Variants in FNBP1 observed in about 807,000 individuals in gnomAD.
FNBP1 encodes formin-binding protein 1.
FNBP1 carries 26 observed loss-of-function variants against 90.6 expected under a neutral mutation model. The ratio of observed to expected loss-of-function variants is 0.29; its 90% CI spans 0.21 to 0.40. FNBP1 has a LOEUF of 0.40. FNBP1 is among the 10% of genes least tolerant of loss of function. The pLI is 1.00. For synonymous variants in FNBP1, 260 were observed against 265.2 expected, an observed-to-expected ratio of 0.98 and a Z score of 0.19; for missense variants, 635 against 768.0, an observed-to-expected ratio of 0.83 and a Z score of 2.05.
At chr9:129,906,798 T>A (rs898615255) in intron 12 of FNBP1, among the ~76,000 whole-genome samples, 38 of 152,310 alleles carry the variant, frequency 2.5e-4, no homozygotes, top group African/African-American at 9.1e-4. Context: ...TTTTTTTTTT[T>A]GAGACAGAGT....
chr9:129,895,843 G>C lies in FNBP1; in HGVS notation c.1841C>G (p.Ala614Gly). 1.2e-6 allele frequency: 2 copies of C among 1,602,514 alleles called. No individual in the cohort carries two copies. Among genetic ancestry groups the C allele is most frequent in the Non-Finnish European group, 1.7e-6 (2 of 1,175,686 alleles). ...TTAAATATAAGTCTTAGCACCTTTG[G>C]CATTTTTGTCCAAACAGACTTCGAC... Reference protein sequence around the residue: ...SYVEVCLDKNAKDS With the variant: ...SYVEVCLDKNGKDS Residue 614 changes from alanine (A) to glycine (G), a missense_variant, in exon 16 of 17, where the codon GCC (alanine) becomes GGC (glycine). By Grantham distance (60) the Ala-to-Gly change is moderately conservative. Transcript: ENST00000446176.
chr9:129,918,485 C>G (rs534571885), intron 10 of FNBP1, among the ~76,000 whole-genome samples: 1 of 152,328 alleles, frequency 6.6e-6, no homozygotes, highest in Admixed American at 6.5e-5. Context: ...GCGTCAATAA[C>G]ACATGGGGAA....
chr9:130,048,787 C>CTT, the FNBP1 span, among the ~76,000 whole-genome samples: 3 of 143,750 alleles, frequency 2.1e-5, no homozygotes, highest in African/African-American at 7.8e-5. Context: ...CCAGTTTCCT[C>CTT]TTTTTTTTTT....
intron 15 of FNBP1, 126 bp from the exon 16 acceptor site, chr9:129,896,122 CCTT>C (rs2035698822): frequency 9.6e-6 from 9 of 937,832 alleles, no homozygotes; most frequent in Non-Finnish European, 1.4e-5. Flanking sequence ...CCCACTCGGA[CCTT>C]CTCAGATGCA....
intron 6 of FNBP1, among the ~76,000 whole-genome samples, chr9:129,946,504 T>C (rs1367596882): frequency 6.6e-6 from 1 of 152,198 alleles, no homozygotes; most frequent in Non-Finnish European, 1.5e-5. Flanking sequence ...TATAGAGAGC[T>C]CTTCTGGCCA....
intron 11 of FNBP1, among the ~76,000 whole-genome samples, chr9:129,909,925 C>G (rs2131558335): frequency 6.6e-6 from 1 of 152,312 alleles, no homozygotes; most frequent in Non-Finnish European, 1.5e-5. Flanking sequence ...TCTCAGAGTT[C>G]AGAGAGAATG....
intron 12 of FNBP1, among the ~76,000 whole-genome samples, chr9:129,907,580 G>GGGGTGTGTGTGTGTGTGT (rs942734835): frequency 1.6e-4 from 24 of 147,108 alleles, no homozygotes; most frequent in African/African-American, 5.3e-4. Flanking sequence ...TAGGAGTGAG[G>GGGGTGTGTGTGTGTGTGT]GTGTGTGTGT....
rs2042058203 is a variant in FNBP1 at position 129,927,311 on chromosome 9, C to A, written c.673G>T (p.Val225Leu). The change falls in exon 8 of 17, where the codon GTG becomes TTG. Residue 225 changes from valine to leucine, a missense_variant. By Grantham distance (32) the Val-to-Leu change is conservative. Transcript: ENST00000446176. ...GTCTTCATGGACTCTCCCATTCTCA[C>A]AATCCTCCTTTCCTCCATCTCTTGT... ...KIQEMEERRIVRMGESMKTYA... is the reference protein window; with the variant it reads ...KIQEMEERRILRMGESMKTYA... The A allele has an allele frequency of 6.2e-7, 1 of 1,612,792 alleles. No homozygotes were observed. The highest frequency in any genetic ancestry group is 8.5e-7 in the Non-Finnish European group (1 of 1,179,272).
rs578112983 is a variant in FNBP1 at position 129,923,906 on chromosome 9, G to A, written c.1108C>T (p.Arg370Cys). The A allele has an allele frequency of 1.7e-5, 28 of 1,603,138 alleles. No individual in the cohort carries two copies. The highest frequency in any genetic ancestry group is 5.4e-5 in the African/African-American group (4 of 74,152). The change falls in exon 10 of 17, where the codon CGC (arginine) becomes TGC (cysteine). Residue 370 changes from arginine to cysteine, a missense_variant. Arg to Cys is a radical substitution (Grantham distance 180). Coordinates refer to ENST00000446176, the MANE Select transcript of FNBP1 (RefSeq NM_015033.3). ...TTGGAGGTCATGAACTCGTTGAAGC[G>A]ATGGGAGAGGGGTTCCTTTTGCTGC... ...PKQQKEPLSH[R>C]FNEFMTSKPK...
At chr9:129,942,026 G>A (rs1168161047) in intron 6 of FNBP1, among the ~76,000 whole-genome samples, 3 of 150,898 alleles carry the variant, frequency 2.0e-5, no homozygotes, top group East Asian at 1.9e-4. Flanking sequence ...AGCTAAGATC[G>A]CACCACTGCA....
intron 2 of FNBP1, among the ~76,000 whole-genome samples, chr9:129,981,277 C>T (rs1340368038): frequency 2.6e-5 from 4 of 151,602 alleles, no homozygotes; most frequent in South Asian, 2.1e-4. Context: ...TTAGTAGAGA[C>T]GGGGTTTCAC....
intron 4 of FNBP1, among the ~76,000 whole-genome samples, chr9:129,967,982 C>CA (rs1177795983): frequency 7.1e-6 from 1 of 140,238 alleles, no homozygotes; most frequent in Non-Finnish European, 1.6e-5. Context: ...AGCTGGAAAA[C>CA]TTTTTTTTTT....
chr9:129,951,418 C>CTATT (rs532417506), intron 6 of FNBP1, among the ~76,000 whole-genome samples: 10,657 of 143,490 alleles, frequency 0.074, 492 homozygotes, highest in Middle Eastern at 0.17. Flanking sequence ...TATATAATTT[C>CTATT]TATTTATTTA....
At chr9:129,925,178 A>C (rs776873007) in intron 8 of FNBP1, 21 bp from the exon 9 acceptor site, 16 of 1,578,398 alleles carry the variant, frequency 1.0e-5, no homozygotes, top group African/African-American at 1.4e-5. Context: ...ACCCACAAGC[A>C]TATAAATACA....
At chr9:129,950,967 ATTT>A (rs56088978) in intron 6 of FNBP1, among the ~76,000 whole-genome samples, 77,376 of 98,368 alleles carry the variant, frequency 0.79, 30,090 homozygotes, top group East Asian at 0.85. Flanking sequence ...CTAATTTTTA[ATTT>A]TTTTTTTTTT....
At chr9:129,914,793 A>ATATATATCTC (rs1173294546) in intron 11 of FNBP1, 2 of 161,448 alleles carry the variant, frequency 1.2e-5, no homozygotes, top group Non-Finnish European at 2.6e-5. Flanking sequence ...ATATATATAT[A>ATATATATCTC]TCTCACCATA....
chr9:129,943,490 G>A (rs1161724154), intron 6 of FNBP1, among the ~76,000 whole-genome samples: 1 of 144,402 alleles, frequency 6.9e-6, no homozygotes, highest in Admixed American at 7.4e-5. Context: ...AGCTTCAAGC[G>A]ATTCTCCTGC....
Position 129,887,579 on chromosome 9 carries a change from G to T in FNBP1, c.*2960C>A. The stretch of plus-strand genomic sequence containing the variant: ...ATGACGGATGTTACCAAAAGGCATC[G>T]AGACCTTTGCGCTGCGCTGGTTAGA... On this transcript the variant is annotated 3_prime_UTR_variant, in exon 17 of 17. Transcript: ENST00000446176. The T allele has an allele frequency of 4.7e-6, 1 of 213,650 alleles. No individual in the cohort carries two copies. 13.2% of individuals were successfully genotyped at this position (213,650 alleles called of 1,614,324 possible).
At chr9:129,935,964 T>G (rs1029832232) in intron 6 of FNBP1, among the ~76,000 whole-genome samples, 7 of 2,896 alleles carry the variant, frequency 2.4e-3, no homozygotes, top group Admixed American at 9.1e-3. Context: ...TGATAAACTA[T>G]ATAGGTTGGT....
Sources: allele counts gnomAD v4.1 joint callset (sites outside exome capture counted in the v4.1 genomes callset), GRCh38; gene constraint gnomAD v4.1.1; transcripts MANE v1.5; gene names NCBI Gene and HGNC (gene_info 2026-07-23, HGNC 2026-07-21).